Variants in ASPHD1 observed in about 807,000 individuals in gnomAD.
The protein encoded by ASPHD1 is aspartate beta-hydroxylase domain-containing protein 1.
A neutral mutation model predicts 28.3 loss-of-function variants in ASPHD1; 20 were observed. That is an observed-to-expected ratio of 0.71 (90% confidence interval 0.50 to 1.03). The LOEUF (loss-of-function observed/expected upper bound fraction) is 1.03, where lower values mean the gene tolerates loss of function less well. ASPHD1 is among the 50% of genes least tolerant of loss of function. The pLI is 0.00. For missense variants in ASPHD1, 479 were observed against 524.1 expected (o/e 0.91, Z 0.84); for synonymous variants, 240 against 221.2 (o/e 1.08, Z -0.75).
Position 29,905,972 on chromosome 16 carries a change from T to C in ASPHD1, c.*75T>C. The C allele has an allele frequency of 7.4e-6, 5 of 678,920 alleles. No homozygotes were observed. The highest frequency in any genetic ancestry group is 1.2e-5 in the Non-Finnish European group (5 of 414,004). The allele number at this position is 678,920 out of a possible 1,614,324, so 42.1% of individuals were successfully genotyped here. A position where few individuals can be genotyped will look rare whatever the true frequency, so the allele number is the denominator to read the frequency against. On this transcript the variant is annotated 3_prime_UTR_variant, in exon 3 of 3. Transcript: ENST00000308748. ...GGACGGCTTGATGGTAGCCAGGACC[T>C]CCTCTCTACTGCGGGGGTGGGCGGG...
chr16:29,901,918 TG>T lies in ASPHD1; in HGVS notation c.949+1del. 1 of 1,481,770 alleles carries T rather than the reference TG, an allele frequency of 6.7e-7. No individual in the cohort carries two copies. Among genetic ancestry groups the T allele is most frequent in the African/African-American group, 1.4e-5 (1 of 69,254 alleles). 91.8% of individuals were successfully genotyped at this position (1,481,770 alleles called of 1,614,324 possible). On this transcript the variant is annotated frameshift_variant and splice_region_variant, in exon 1 of 3. Transcript: ENST00000308748. LOFTEE classifies it high-confidence loss of function. This position sits in a 1 kb window ranked among gnomAD's most constrained non-coding sequence, Gnocchi z 5.1. The stretch of plus-strand genomic sequence containing the variant: ...ACCAATGCCCGGGTCAGATGCCATC[TG>T]GGTAAGTAGCTGCCGCCTACTGACA... ...GPTNARVRCHLGLKIPPGCEL... is the reference protein window; with the variant it reads ...GPTNARVRCHXGLKIPPGCEL...
chr16:29,905,210 C>A, intron 2 of ASPHD1: 1 of 400,936 alleles, frequency 2.5e-6, no homozygotes, highest in Non-Finnish European at 4.5e-6. Context: ...CAGCACAGGA[C>A]TCTGGGTTCC....
At chr16:29,910,397 A>AAAT (rs142518050), downstream of ASPHD1, among the ~76,000 whole-genome samples, 355 of 151,360 alleles carry the variant, frequency 2.3e-3, 1 homozygote, top group South Asian at 0.025. Flanking sequence ...ACTCCATCTC[A>AAAT]AATAATAATA....
Position 29,901,236 on chromosome 16 carries a change from TC to T in ASPHD1, c.268del (p.Leu90CysfsTer17). ...ALTLLFGALT[S>X]LFLWYCYRLG... Reference sequence around the variant, plus strand: ...CACCTTGCTCTTCGGGGCCCTCACTTCCCTGTTCCTCTGGTACTGCTACCGC... The same window carrying T: ...CACCTTGCTCTTCGGGGCCCTCACTTCCTGTTCCTCTGGTACTGCTACCGC... On this transcript the variant is annotated frameshift_variant, in exon 1 of 3. Transcript: ENST00000308748. LOFTEE classifies it high-confidence loss of function. The surrounding 1 kb of genome is among the most constrained non-coding windows in gnomAD (Gnocchi z 5.1). The T allele has an allele frequency of 6.2e-7, 1 of 1,613,596 alleles. No individual in the cohort carries two copies. The highest frequency in any genetic ancestry group is 8.5e-7 in the Non-Finnish European group (1 of 1,179,910).
chr16:29,902,816 T>G (rs914478339), intron 1 of ASPHD1, among the ~76,000 whole-genome samples: 1 of 151,014 alleles, frequency 6.6e-6, no homozygotes, highest in Admixed American at 6.6e-5. Flanking sequence ...TGCCTAGCCC[T>G]ACACCTTCTT....
intron 1 of ASPHD1, among the ~76,000 whole-genome samples, chr16:29,903,583 T>C (rs528154859): frequency 6.6e-6 from 1 of 152,186 alleles, no homozygotes; most frequent in Non-Finnish European, 1.5e-5. Flanking sequence ...TGCTGCCAGC[T>C]GGATGTGTCC....
intron 3 of ASPHD1, chr16:29,913,099 A>G (rs899711583): frequency 3.3e-5 from 5 of 152,020 alleles, no homozygotes; most frequent in African/African-American, 1.2e-4. Flanking sequence ...GAGAATAATA[A>G]AAGTCTACAA....
intron 3 of ASPHD1, among the ~76,000 whole-genome samples, chr16:29,915,804 T>C (rs943113384): frequency 1.5e-4 from 23 of 152,138 alleles, no homozygotes; most frequent in Non-Finnish European, 3.4e-4. Context: ...GACTTTTTCA[T>C]CACATCCTCA....
chr16:29,904,976 G>T lies in ASPHD1; in HGVS notation c.1063+11G>T. 6.3e-7 allele frequency: 1 copy of T among 1,598,640 alleles called. No homozygotes were observed. ...CAGTGGCTCACAATGGTAACGGGGT[G>T]CCCATTCTGCAGGGGGGATGAGGGA... is the stretch of plus-strand genomic sequence containing the variant. On this transcript the variant is annotated intron_variant, in intron 2 of 2. Transcript: ENST00000308748.
At position 29,900,642 on chromosome 16, in the gene ASPHD1, T is replaced by C. The variant is rs554985987; in HGVS notation, c.-330T>C. On this transcript the variant is annotated 5_prime_UTR_variant, in exon 1 of 3. Coordinates refer to ENST00000308748, the MANE Select transcript of ASPHD1 (RefSeq NM_181718.4). ...GGCAGGACCGCAGGGTCGGGGCTAG[T>C]GAGGAGCGAGGGCAAGGAGAGAGCA... The C allele has an allele frequency of 1.0e-5, 4 of 398,576 alleles. 1 individual carries two copies. In the South Asian group the frequency reaches 1.1e-4, roughly 11 times the overall value. 24.7% of individuals were successfully genotyped at this position (398,576 alleles called of 1,614,324 possible).
At chr16:29,916,422 CA>C (rs1319081132) in intron 3 of ASPHD1, among the ~76,000 whole-genome samples, 1 of 152,176 alleles carries the variant, frequency 6.6e-6, no homozygotes, top group Non-Finnish European at 1.5e-5. Context: ...CTTTTACTAA[CA>C]ATCTCCTCAA....
chr16:29,909,363 G>A (rs2068665949), downstream of ASPHD1, among the ~76,000 whole-genome samples: 1 of 152,188 alleles, frequency 6.6e-6, no homozygotes, highest in Non-Finnish European at 1.5e-5. Context: ...AGAATTCCAA[G>A]AGGCAACAGT....
chr16:29,918,542 C>T (rs1264540138), intron 3 of ASPHD1, among the ~76,000 whole-genome samples: 1 of 152,196 alleles, frequency 6.6e-6, no homozygotes, highest in African/African-American at 2.4e-5. Context: ...GCAACCTTGA[C>T]TCACTGCAAC....
chr16:29,911,867 G>A (rs758983344), intron 3 of ASPHD1: 19 of 1,612,160 alleles, frequency 1.2e-5, no homozygotes, highest in Non-Finnish European at 1.6e-5. Context: ...TTCACCACGG[G>A]CTGGCGGGGG....
downstream of ASPHD1, chr16:29,906,588 T>G: frequency 1.7e-6 from 1 of 589,360 alleles, no homozygotes. Flanking sequence ...GAAAGGGAAT[T>G]CTAAATCCCT....
At chr16:29,918,149 TA>T (rs1229570137) in intron 3 of ASPHD1, among the ~76,000 whole-genome samples, 1 of 152,248 alleles carries the variant, frequency 6.6e-6, no homozygotes, top group Non-Finnish European at 1.5e-5. Context: ...AAAAGACTTA[TA>T]GGTATTCTGT....
chr16:29,911,713 T>A, intron 3 of ASPHD1: 1 of 1,285,110 alleles, frequency 7.8e-7, no homozygotes, highest in Non-Finnish European at 1.1e-6. Flanking sequence ...GGCACAGATG[T>A]TCTTGTAGGC....
downstream of ASPHD1, chr16:29,907,163 C>G: frequency 7.8e-7 from 1 of 1,278,768 alleles, no homozygotes; most frequent in Non-Finnish European, 1.1e-6. Flanking sequence ...CACGCAGGGC[C>G]ATCCCCCTGC....
At chr16:29,910,962 C>T, downstream of ASPHD1, 5 of 1,610,804 alleles carry the variant, frequency 3.1e-6, no homozygotes, top group South Asian at 5.5e-5. Context: ...AACATAGGCT[C>T]TGGAGCCCCT....
Sources: gnomAD v4.1 joint callset for allele counts (sites outside exome capture counted in the v4.1 genomes callset) on GRCh38, gnomAD v4.1.1 for gene constraint, Gnocchi (gnomAD v3.1) non-coding constraint, MANE v1.5 for transcripts, NCBI Gene and HGNC (gene_info 2026-07-23, HGNC 2026-07-21) for gene names.